Variants in PARD3 observed in about 807,000 individuals in gnomAD.
PARD3 encodes partitioning defective 3 homolog.
Under a neutral mutation model 155.4 loss-of-function variants are expected in PARD3, and 75 were observed. That is an observed-to-expected ratio of 0.48 (90% CI 0.40 to 0.58). PARD3 has a LOEUF of 0.58. Ranked by LOEUF, PARD3 falls within the 20% of genes least tolerant of loss-of-function variation. The pLI is 0.00. For synonymous variants in PARD3, 576 were observed against 610.5 expected (o/e 0.94, Z 0.83); for missense variants, 1,642 against 1,721.7 (o/e 0.95, Z 0.82).
intron 21 of PARD3, among the ~76,000 whole-genome samples, chr10:34,275,989 A>G (rs1436647466): frequency 3.3e-5 from 5 of 152,138 alleles, no homozygotes; most frequent in Non-Finnish European, 7.4e-5. Context: ...AAACCCAGCA[A>G]AAGACATAAA....
intron 2 of PARD3, among the ~76,000 whole-genome samples, chr10:34,550,204 C>T (rs909479315): frequency 9.2e-5 from 14 of 152,292 alleles, no homozygotes; most frequent in African/African-American, 3.4e-4. Flanking sequence ...CACAGACAGG[C>T]GGGTCACTGC....
intron 16 of PARD3, 29 bp downstream of exon 16, chr10:34,341,598 T>C (rs761081087): frequency 6.4e-7 from 1 of 1,572,718 alleles, no homozygotes; most frequent in South Asian, 1.2e-5. Context: ...AATTAATTCA[T>C]GTTTTCCAAC....
intron 1 of PARD3, among the ~76,000 whole-genome samples, chr10:34,778,711 G>A (rs1379525166): frequency 6.6e-6 from 1 of 152,052 alleles, no homozygotes; most frequent in African/African-American, 2.4e-5. Context: ...TGAATTACAT[G>A]ACTAAGAAAC....
intron 5 of PARD3, among the ~76,000 whole-genome samples, chr10:34,416,095 C>A (rs772394910): frequency 6.6e-6 from 1 of 152,134 alleles, no homozygotes; most frequent in Non-Finnish European, 1.5e-5. Context: ...ACGAAGTCTA[C>A]GTGTATGTAG....
intron 3 of PARD3, among the ~76,000 whole-genome samples, chr10:34,507,195 G>A (rs1045074112): frequency 6.6e-6 from 1 of 152,168 alleles, no homozygotes; most frequent in African/African-American, 2.4e-5. Context: ...AATATGCAAA[G>A]TAAGCCCTGT....
chr10:34,448,464 G>A (rs887855560), intron 5 of PARD3, among the ~76,000 whole-genome samples: 2 of 152,046 alleles, frequency 1.3e-5, no homozygotes, highest in Admixed American at 1.3e-4. Flanking sequence ...GAGACCTAAC[G>A]TATAGCATTA....
intron 2 of PARD3, among the ~76,000 whole-genome samples, chr10:34,692,219 C>T (rs1195326289): frequency 2.6e-5 from 3 of 117,116 alleles, no homozygotes; most frequent in East Asian, 2.4e-4. Context: ...GTGATAAGAG[C>T]GAGACTTCAT....
intron 20 of PARD3, among the ~76,000 whole-genome samples, chr10:34,303,828 AAGACAAGG>A (rs1957271993): frequency 6.6e-6 from 1 of 152,164 alleles, no homozygotes; most frequent in African/African-American, 2.4e-5. Flanking sequence ...GGTGGAGAGG[AAGACAAGG>A]AGACAGAGGA....
chr10:34,225,920 A>G (rs753421181), intron 22 of PARD3, among the ~76,000 whole-genome samples: 7 of 152,232 alleles, frequency 4.6e-5, no homozygotes, highest in Non-Finnish European at 1.0e-4. Context: ...TTTATACTTC[A>G]AAAGACAACA....
intron 2 of PARD3, among the ~76,000 whole-genome samples, chr10:34,594,920 T>C (rs562452001): frequency 2.6e-5 from 4 of 152,322 alleles, no homozygotes; most frequent in South Asian, 2.1e-4. Flanking sequence ...ATCTTGGCCA[T>C]GTGACTCTCT....
At chr10:34,375,446 C>G (rs1236145656) in intron 10 of PARD3, among the ~76,000 whole-genome samples, 3 of 152,050 alleles carry the variant, frequency 2.0e-5, no homozygotes, top group Non-Finnish European at 4.4e-5. Context: ...TATTTTGGTA[C>G]AGTATTTTCA....
intron 2 of PARD3, among the ~76,000 whole-genome samples, chr10:34,651,011 C>CAAAAAAAAAAAAAAAAAAAA (rs60113552): frequency 1.1e-4 from 5 of 44,546 alleles, no homozygotes; most frequent in African/African-American, 3.5e-4. Flanking sequence ...AACTCTGTCT[C>CAAAAAAAAAAAAAAAAAAAA]AAAAAAAAAA....
At chr10:34,806,472 A>G (rs1190865353) in intron 1 of PARD3, among the ~76,000 whole-genome samples, 1 of 152,060 alleles carries the variant, frequency 6.6e-6, no homozygotes, top group East Asian at 1.9e-4. Flanking sequence ...TACAGGCGTG[A>G]GCCACCACAC....
chr10:34,535,879 G>A (rs927263858), intron 2 of PARD3, among the ~76,000 whole-genome samples: 2 of 151,772 alleles, frequency 1.3e-5, no homozygotes, highest in South Asian at 4.1e-4. Context: ...CCATGTCAAT[G>A]CTCAAAATTT....
chr10:34,346,561 T>C, intron 15 of PARD3: 1 of 1,210,788 alleles, frequency 8.3e-7, no homozygotes, highest in Non-Finnish European at 1.1e-6. Flanking sequence ...AAAAAAATAA[T>C]TTAACAAAGA....
intron 2 of PARD3, among the ~76,000 whole-genome samples, chr10:34,573,742 C>A (rs773992134): frequency 2.5e-4 from 10 of 39,994 alleles, no homozygotes; most frequent in African/African-American, 9.5e-4. Flanking sequence ...CAAAAACACA[C>A]ACACACACAC....
chr10:34,814,091 G>A (rs894872373), intron 1 of PARD3, among the ~76,000 whole-genome samples: 4 of 152,136 alleles, frequency 2.6e-5, no homozygotes, highest in Admixed American at 6.5e-5. Flanking sequence ...GAACCAGCCC[G>A]GGATAGGTAG....
At position 34,660,866 on chromosome 10, in the gene PARD3, C is replaced by T. The variant is rs150554746; in HGVS notation, c.222+35452G>A. ...ACTGGAAAATTATTTTAAAACATCA[C>T]ACAGAAATATTGTGTTTCATTATAA... On this transcript the variant is annotated intron_variant, in intron 2 of 24. Coordinates refer to ENST00000374788, the MANE Select transcript of PARD3 (RefSeq NM_001184785.2). Among the ~76,000 whole-genome samples, 1,054 of 152,204 alleles carry T rather than the reference C, an allele frequency of 6.9e-3. 10 individuals are homozygous for T. The highest frequency in any genetic ancestry group is 0.025 in the African/African-American group (1,022 of 41,536).
intron 2 of PARD3, among the ~76,000 whole-genome samples, chr10:34,626,165 T>C (rs2091971894): frequency 6.6e-6 from 1 of 152,184 alleles, no homozygotes; most frequent in Non-Finnish European, 1.5e-5. Context: ...CTGTAAACAT[T>C]GGAATTACAT....
Sources: gnomAD v4.1 joint callset for allele counts (sites outside exome capture counted in the v4.1 genomes callset) on GRCh38, gnomAD v4.1.1 for gene constraint, MANE v1.5 for transcripts, NCBI Gene and HGNC (gene_info 2026-07-23, HGNC 2026-07-21) for gene names.